Variants in PRKAR1B observed in about 807,000 individuals in gnomAD.
PRKAR1B encodes protein kinase cAMP-dependent type I regulatory subunit beta, also known as cAMP-dependent protein kinase type I-beta regulatory subunit.
A neutral mutation model predicts 46.5 loss-of-function variants in PRKAR1B; 22 were observed. The ratio of observed to expected loss-of-function variants is 0.47; its 90% CI spans 0.34 to 0.68. PRKAR1B has a LOEUF of 0.68. Among genes scored for constraint, PRKAR1B ranks in the 30% least tolerant of loss-of-function variants. The probability of loss-of-function intolerance (pLI) is 0.01; values close to 1 mark genes in which losing one functional copy is unlikely to be tolerated. For missense variants in PRKAR1B, 445 were observed against 535.6 expected (o/e 0.83, Z 1.67); for synonymous variants, 259 against 217.7 (o/e 1.19, Z -1.67).
intron 2 of PRKAR1B, among the ~76,000 whole-genome samples, chr7:681,985 GC>G (rs1562612538): frequency 6.6e-6 from 1 of 152,178 alleles, no homozygotes; most frequent in Admixed American, 6.5e-5. Flanking sequence ...CCTGAGCTGA[GC>G]CCCTTTCTCA....
chr7:627,136 G>A (rs1173962866), intron 4 of PRKAR1B, among the ~76,000 whole-genome samples: 2 of 152,132 alleles, frequency 1.3e-5, no homozygotes, highest in Non-Finnish European at 2.9e-5. Context: ...GCCTCCCAAA[G>A]TGCAGGGATT....
intron 7 of PRKAR1B, among the ~76,000 whole-genome samples, chr7:590,686 G>A (rs1481273856): frequency 2.0e-5 from 3 of 152,182 alleles, no homozygotes; most frequent in Admixed American, 6.5e-5. Flanking sequence ...TCCAGGGGGT[G>A]TCCTATCTTC....
chr7:596,149 A>C lies in PRKAR1B; in HGVS notation c.705T>G (p.Leu235=). The C allele has an allele frequency of 1.9e-6, 3 of 1,612,956 alleles. No homozygotes were observed. Among genetic ancestry groups the C allele is most frequent in the Non-Finnish European group, 2.5e-6 (3 of 1,179,370 alleles). ...GIDRDSYRRI[L]MGSTLRKRKM... ...CTGTGCTTGGGCACCAACTCACCAT[A>C]AGGATGCGCCGGTAGCTGTCCCGGT... is the stretch of plus-strand genomic sequence containing the variant. The change falls in exon 7 of 11, where the codon CTT becomes CTG. Residue 235 remains leucine, a synonymous_variant. Transcript: ENST00000537384.
intron 7 of PRKAR1B, among the ~76,000 whole-genome samples, chr7:587,385 C>CA (rs541838568): frequency 3.9e-4 from 59 of 152,324 alleles, no homozygotes; most frequent in Admixed American, 3.2e-3. Flanking sequence ...TGTCACAACT[C>CA]AGAGGGCCGA....
At chr7:672,945 T>G (rs4548064) in intron 4 of PRKAR1B, among the ~76,000 whole-genome samples, 5 of 149,270 alleles carry the variant, frequency 3.3e-5, no homozygotes, top group Non-Finnish European at 5.9e-5. Context: ...TTCAGGAAGT[T>G]GAGGTAGGAG....
chr7:695,241 G>GA (rs1385864094), intron 2 of PRKAR1B, among the ~76,000 whole-genome samples: 36 of 152,162 alleles, frequency 2.4e-4, no homozygotes, highest in Admixed American at 2.3e-3. Flanking sequence ...GGTGGCCGGC[G>GA]AGAAAGGCAG....
intron 4 of PRKAR1B, among the ~76,000 whole-genome samples, chr7:646,084 C>T (rs1784606278): frequency 6.6e-6 from 1 of 152,130 alleles, no homozygotes; most frequent in Admixed American, 6.5e-5. Flanking sequence ...CTTGCTCTGC[C>T]TCCCAGGTTG....
At chr7:685,347 T>TACAC (rs1779014574) in intron 2 of PRKAR1B, among the ~76,000 whole-genome samples, 2 of 66,358 alleles carry the variant, frequency 3.0e-5, no homozygotes, top group Admixed American at 1.7e-4. Context: ...CGTATATATA[T>TACAC]GTATACATAT....
intron 2 of PRKAR1B, among the ~76,000 whole-genome samples, chr7:701,265 GAAAA>G (rs140450174): frequency 0.16 from 21,230 of 136,082 alleles, 1,622 homozygotes; most frequent in South Asian, 0.23. Context: ...AAGAAAGAAG[GAAAA>G]AAGAAAGAAA....
chr7:551,239 C>T, intron 10 of PRKAR1B, 150 bp downstream of exon 10: 2 of 750,662 alleles, frequency 2.7e-6, no homozygotes, highest in Admixed American at 2.6e-5. Context: ...CAGGACTGAG[C>T]CTTCTGTTGC....
intron 1 of PRKAR1B, chr7:726,852 G>C (rs1359174303): frequency 7.6e-7 from 1 of 1,319,622 alleles, no homozygotes. Context: ...ACAGCAAGCC[G>C]GGCCGGCGGC....
intron 4 of PRKAR1B, among the ~76,000 whole-genome samples, chr7:653,708 T>A (rs958549560): frequency 2.0e-5 from 3 of 152,156 alleles, no homozygotes; most frequent in Non-Finnish European, 4.4e-5. Flanking sequence ...GGGGTGGGAA[T>A]AATGGAGAAT....
At chr7:570,139 G>A (rs181807059) in intron 9 of PRKAR1B, among the ~76,000 whole-genome samples, 5,611 of 152,294 alleles carry the variant, frequency 0.037, 287 homozygotes, top group African/African-American at 0.12. Context: ...CACCTCGGCG[G>A]ATCTCACCTG....
Position 560,389 on chromosome 7 carries a change from T to TAATAATAATAATAAA in PRKAR1B, c.892-8920_892-8919insTTTATTATTATTATT, listed in dbSNP as rs917607162. On this transcript the variant is annotated intron_variant, in intron 9 of 10. Transcript: ENST00000537384. This position sits in a 1 kb window ranked among gnomAD's most constrained non-coding sequence, Gnocchi z 4.2. ...ATAATAATAATAATAATAATAATAA[T>TAATAATAATAATAAA]AAATATATTTTAAAAGAAACTTTGT... Among the ~76,000 whole-genome samples, 241 of 146,216 alleles carry TAATAATAATAATAAA rather than the reference T, an allele frequency of 1.6e-3. No individual in the cohort carries two copies. The highest frequency in any genetic ancestry group is 5.8e-3 in the African/African-American group (225 of 38,970).
chr7:571,497 G>GTT (rs1379766059), intron 9 of PRKAR1B, among the ~76,000 whole-genome samples: 1 of 152,224 alleles, frequency 6.6e-6, no homozygotes. Flanking sequence ...GCAACGTGTT[G>GTT]TTTTGCAGTT....
intron 2 of PRKAR1B, among the ~76,000 whole-genome samples, chr7:708,226 C>A (rs1341671690): frequency 6.6e-6 from 1 of 151,434 alleles, no homozygotes; most frequent in Non-Finnish European, 1.5e-5. Context: ...CAGCCTGGAC[C>A]ACCTAAGATC....
At chr7:605,651 A>G (rs574898008) in intron 6 of PRKAR1B, among the ~76,000 whole-genome samples, 210 of 152,330 alleles carry the variant, frequency 1.4e-3, no homozygotes, top group Non-Finnish European at 2.2e-3. Flanking sequence ...AGCATCTCAT[A>G]AAAGATGCTC....
At chr7:570,722 G>T (rs534312755) in intron 9 of PRKAR1B, among the ~76,000 whole-genome samples, 1 of 152,086 alleles carries the variant, frequency 6.6e-6, no homozygotes, top group Non-Finnish European at 1.5e-5. Flanking sequence ...CCAGAGTAAC[G>T]CTGGCGTTCC....
intron 9 of PRKAR1B, among the ~76,000 whole-genome samples, chr7:555,674 T>TG (rs1426994421): frequency 2.0e-5 from 3 of 152,104 alleles, no homozygotes; most frequent in African/African-American, 4.8e-5. Context: ...CAGCATGTTG[T>TG]GGGGGGCATG....
Sources: gnomAD v4.1 joint callset for allele counts (sites outside exome capture counted in the v4.1 genomes callset) on GRCh38, gnomAD v4.1.1 for gene constraint, Gnocchi (gnomAD v3.1) non-coding constraint, MANE v1.5 for transcripts, NCBI Gene and HGNC (gene_info 2026-07-23, HGNC 2026-07-21) for gene names.